PRKG2: variants seen among roughly 807,000 people sequenced by gnomAD.
PRKG2 encodes protein kinase cGMP-dependent 2.
PRKG2 carries 33 observed loss-of-function variants against 97.2 expected under a neutral mutation model. The ratio of observed to expected loss-of-function variants is 0.34; its 90% CI spans 0.26 to 0.45. The LOEUF (loss-of-function observed/expected upper bound fraction) is 0.45. Ranked by LOEUF, PRKG2 falls within the 20% of genes least tolerant of loss-of-function variation. The probability of loss-of-function intolerance (pLI) is 1.00; values close to 1 mark genes in which losing one functional copy is unlikely to be tolerated. For missense variants in PRKG2, 638 were observed against 900.0 expected (o/e 0.71, Z 3.73); for synonymous variants, 330 against 321.8 (o/e 1.03, Z -0.27).
chr4:81,189,066 TAAAAAAAAA>T, intron 2 of PRKG2, among the ~76,000 whole-genome samples: 2 of 17,056 alleles, frequency 1.2e-4, no homozygotes, highest in African/African-American at 7.9e-4. Context: ...AAAAAAATAA[TAAAAAAAAA>T]AAAAAAAAAA....
At chr4:81,216,321 C>G (rs1754270953), upstream of PRKG2, among the ~76,000 whole-genome samples, 2 of 151,560 alleles carry the variant, frequency 1.3e-5, no homozygotes, top group South Asian at 4.2e-4. Flanking sequence ...ACACAAAGTA[C>G]CTTTTCATGA....
At chr4:81,176,376 A>G (rs1750931476) in intron 2 of PRKG2, among the ~76,000 whole-genome samples, 1 of 152,148 alleles carries the variant, frequency 6.6e-6, no homozygotes, top group African/African-American at 2.4e-5. Flanking sequence ...CAACTGTATT[A>G]TATCATCAGA....
chr4:81,191,726 A>G (rs1752536916), intron 2 of PRKG2, among the ~76,000 whole-genome samples: 1 of 152,192 alleles, frequency 6.6e-6, no homozygotes, highest in Non-Finnish European at 1.5e-5. Context: ...GAAAATATAC[A>G]CATCGAAAAG....
At chr4:81,164,923 T>C (rs1749853910) in intron 6 of PRKG2, 1 of 152,180 alleles carries the variant, frequency 6.6e-6, no homozygotes. Context: ...TCAAATCTCA[T>C]GCTTAGTGGA....
At chr4:81,217,036 T>TATATATATATATAC (rs1375271897), upstream of PRKG2, among the ~76,000 whole-genome samples, 8 of 137,360 alleles carry the variant, frequency 5.8e-5, no homozygotes, top group African/African-American at 2.4e-4. Context: ...ATTTTGTATA[T>TATATATATATATAC]ATATATATAT....
chr4:81,154,547 C>T (rs549948422), intron 6 of PRKG2, among the ~76,000 whole-genome samples: 1 of 143,188 alleles, frequency 7.0e-6, no homozygotes, highest in African/African-American at 3.0e-5. Flanking sequence ...AACAGACCTG[C>T]AGCTGAGGGT....
chr4:81,137,861 T>C (rs185331331), intron 12 of PRKG2, among the ~76,000 whole-genome samples: 3 of 152,342 alleles, frequency 2.0e-5, no homozygotes, highest in Non-Finnish European at 4.4e-5. Context: ...ATATGTCACC[T>C]TTAAGATTTG....
At chr4:81,177,843 C>T (rs1001796710) in intron 2 of PRKG2, among the ~76,000 whole-genome samples, 2 of 151,930 alleles carry the variant, frequency 1.3e-5, no homozygotes, top group African/African-American at 4.8e-5. Flanking sequence ...GAAGATCTAT[C>T]AACATAGCAA....
At chr4:81,155,953 C>A (rs540009330) in intron 6 of PRKG2, among the ~76,000 whole-genome samples, 1 of 151,774 alleles carries the variant, frequency 6.6e-6, no homozygotes, top group Non-Finnish European at 1.5e-5. Context: ...AAGGAACAAC[C>A]GGTACCAGCC....
intron 5 of PRKG2, among the ~76,000 whole-genome samples, chr4:81,167,549 G>A (rs1230997712): frequency 6.6e-6 from 1 of 152,068 alleles, no homozygotes; most frequent in Non-Finnish European, 1.5e-5. Context: ...ATCGCATTTG[G>A]AAGTTTGTTC....
chr4:81,162,102 C>G (rs1046472192), intron 6 of PRKG2, among the ~76,000 whole-genome samples: 52 of 152,240 alleles, frequency 3.4e-4, no homozygotes, highest in African/African-American at 1.2e-3. Context: ...ATCTTCTGGA[C>G]CTCTGTTTCA....
chr4:81,161,801 T>C (rs1234102780), intron 6 of PRKG2, among the ~76,000 whole-genome samples: 2 of 152,130 alleles, frequency 1.3e-5, no homozygotes, highest in African/African-American at 4.8e-5. Flanking sequence ...CTATATTCAA[T>C]AGTTCATTCA....
rs539990414 is a variant in PRKG2, at chr4:81,160,343, T to A, written c.913-6622A>T. Among the ~76,000 whole-genome samples, 80 of 152,288 alleles carry A rather than the reference T, an allele frequency of 5.3e-4. 2 individuals carry two copies. In the South Asian group the frequency reaches 0.016, roughly 30 times the overall value. The stretch of plus-strand genomic sequence containing the variant: ...TTTTGCTTTATTATCTGCACTTATG[T>A]TTTCTTCTTTCACAGAGTAAATTCA... On this transcript the variant is annotated intron_variant, in intron 6 of 18. Coordinates refer to ENST00000264399, the MANE Select transcript of PRKG2 (RefSeq NM_006259.3).
intron 14 of PRKG2, among the ~76,000 whole-genome samples, chr4:81,112,821 C>A (rs923468842): frequency 6.6e-6 from 1 of 152,144 alleles, no homozygotes; most frequent in African/African-American, 2.4e-5. Context: ...ATAAAAATCA[C>A]GCTATGTCTG....
rs187556081 is a variant in PRKG2, at chr4:81,182,093, C to T, written c.462-7134G>A. Among the ~76,000 whole-genome samples, 587 of 151,574 alleles carry T rather than the reference C, an allele frequency of 3.9e-3. 5 individuals carry two copies. The highest frequency in any genetic ancestry group is 0.013 in the African/African-American group (546 of 41,444). ...AATATTTTCCAGAAAACAGGAAAGACGAATTTTTCCCGATTCATTTTATAG... is the reference window on the plus strand; with the variant it reads ...AATATTTTCCAGAAAACAGGAAAGATGAATTTTTCCCGATTCATTTTATAG... On this transcript the variant is annotated intron_variant, in intron 2 of 18. Transcript: ENST00000264399.
chr4:81,214,246 G>T (rs774463171), intron 1 of PRKG2, among the ~76,000 whole-genome samples: 1 of 151,458 alleles, frequency 6.6e-6, no homozygotes, highest in Admixed American at 6.6e-5. Context: ...CAAGGCATTT[G>T]TCCCAGCGTC....
intron 14 of PRKG2, among the ~76,000 whole-genome samples, chr4:81,115,493 T>G (rs1270289690): frequency 6.6e-6 from 1 of 152,240 alleles, no homozygotes; most frequent in Non-Finnish European, 1.5e-5. Context: ...TTGCCAAGCT[T>G]CACAAAAAGT....
chr4:81,122,194 G>T (rs1216755482), intron 14 of PRKG2, among the ~76,000 whole-genome samples: 1 of 152,136 alleles, frequency 6.6e-6, no homozygotes, highest in East Asian at 1.9e-4. Flanking sequence ...AACAAAGTGG[G>T]CTTTCTTTTA....
At chr4:81,123,368 C>A (rs1451791083) in intron 14 of PRKG2, among the ~76,000 whole-genome samples, 2 of 152,146 alleles carry the variant, frequency 1.3e-5, no homozygotes, top group East Asian at 1.9e-4. Flanking sequence ...ATATTTTAAG[C>A]ATATCTCCTG....
Sources: gnomAD v4.1 joint callset for allele counts (sites outside exome capture counted in the v4.1 genomes callset) on GRCh38, gnomAD v4.1.1 for gene constraint, MANE v1.5 for transcripts, NCBI Gene and HGNC (gene_info 2026-07-23, HGNC 2026-07-21) for gene names.